Variants in REEP5 observed in about 807,000 individuals in gnomAD.
The protein encoded by REEP5 is receptor accessory protein 5, also known as receptor expression-enhancing protein 5.
In REEP5, 24 loss-of-function variants were observed where a neutral mutation model predicts 22.4. That is an observed-to-expected ratio of 1.07 (90% confidence interval 0.78 to 1.51). The LOEUF (loss-of-function observed/expected upper bound fraction) is 1.51, where lower values mean the gene tolerates loss of function less well. Ranked by LOEUF, REEP5 falls within the 40% of genes most tolerant of loss-of-function variation. REEP5 has a pLI of 0.00. For synonymous variants in REEP5, 103 were observed against 88.6 expected, an observed-to-expected ratio of 1.16 and a Z score of -0.92; for missense variants, 252 against 233.0, an observed-to-expected ratio of 1.08 and a Z score of -0.53.
chr5:112,880,033 C>T (rs188643575), intron 4 of REEP5, among the ~76,000 whole-genome samples: 1 of 151,958 alleles, frequency 6.6e-6, no homozygotes, highest in Non-Finnish European at 1.5e-5. Context: ...TGTATTTATA[C>T]TCTTATTGTG....
At chr5:112,921,059 C>G in intron 2 of REEP5, 104 bp downstream of exon 2, 1 of 1,142,942 alleles carries the variant, frequency 8.7e-7, no homozygotes, top group Non-Finnish European at 1.3e-6. Flanking sequence ...CCCCGCCGAG[C>G]TTTCACTTTT....
At chr5:112,899,865 G>A (rs1768803136) in intron 3 of REEP5, among the ~76,000 whole-genome samples, 1 of 152,160 alleles carries the variant, frequency 6.6e-6, no homozygotes, top group Non-Finnish European at 1.5e-5. Flanking sequence ...TACCAACTGA[G>A]CATACCAAAT....
chr5:112,901,920 G>T (rs999801790), intron 3 of REEP5, among the ~76,000 whole-genome samples: 2 of 146,608 alleles, frequency 1.4e-5, no homozygotes, highest in African/African-American at 5.1e-5. Context: ...CCAAGATCAT[G>T]CCACTGCACT....
intron 3 of REEP5, among the ~76,000 whole-genome samples, chr5:112,898,814 T>C (rs1398734523): frequency 1.3e-5 from 2 of 152,196 alleles, no homozygotes; most frequent in Non-Finnish European, 1.5e-5. Context: ...TAAATGACTT[T>C]GAATAATAAA....
chr5:112,907,998 G>A (rs1479109738), intron 2 of REEP5, among the ~76,000 whole-genome samples: 2 of 151,564 alleles, frequency 1.3e-5, no homozygotes, highest in Non-Finnish European at 2.9e-5. Flanking sequence ...TTTTACTTAA[G>A]GTCTTTCCAA....
chr5:112,891,472 G>C (rs755835828), intron 3 of REEP5: 106 of 886,180 alleles, frequency 1.2e-4, no homozygotes, highest in Non-Finnish European at 1.7e-4. Flanking sequence ...ATATAAAGGA[G>C]AAACAAAATG....
intron 3 of REEP5, 120 bp downstream of exon 3, chr5:112,902,260 G>T: frequency 9.3e-7 from 1 of 1,074,968 alleles, no homozygotes; most frequent in Non-Finnish European, 1.3e-6. Flanking sequence ...TGTTGCCCAG[G>T]CCTGTCTTCT....
chr5:112,879,331 G>T lies in REEP5; in HGVS notation c.521-496C>A, dbSNP rs1167091833. ...ATCCCTTGATATATGTGTTTGGGGG[G>T]GGGGGCTGGGGGGGCGGTGGGGGAG... On this transcript the variant is annotated intron_variant, in intron 4 of 4. Transcript: ENST00000379638. 1.2e-3 allele frequency among the ~76,000 whole-genome samples: 182 copies of T among 151,298 alleles called. 1 individual carries two copies. Among genetic ancestry groups the T allele is most frequent in the Admixed American group, 1.9e-3 (29 of 15,162 alleles).
Position 112,922,051 on chromosome 5 carries a change from G to A in REEP5, c.118+22C>T, listed in dbSNP as rs753882473. 17 of 1,581,926 alleles carry A rather than the reference G, an allele frequency of 1.1e-5. No individual in the cohort carries two copies. In the East Asian group the frequency reaches 3.6e-4, roughly 34 times the overall value. ...GGCGGCTCCCGTGGCCCTACCAGCGGCGGCGACCCCCGGCCACCCACCAAG... is the reference window on the plus strand; with the variant it reads ...GGCGGCTCCCGTGGCCCTACCAGCGACGGCGACCCCCGGCCACCCACCAAG... On this transcript the variant is annotated intron_variant, in intron 1 of 4. Coordinates refer to ENST00000379638, the MANE Select transcript of REEP5 (RefSeq NM_005669.5).
intron 4 of REEP5, among the ~76,000 whole-genome samples, chr5:112,884,535 G>A (rs967574696): frequency 4.0e-5 from 6 of 151,738 alleles, no homozygotes; most frequent in African/African-American, 1.2e-4. Flanking sequence ...GCATCACAAC[G>A]TCCGGCTAAT....
chr5:112,902,619 T>G, intron 2 of REEP5, 101 bp from the exon 3 acceptor site: 1 of 1,114,264 alleles, frequency 9.0e-7, no homozygotes, highest in Non-Finnish European at 1.3e-6. Flanking sequence ...ACTGAGAAAC[T>G]TAGGCACATG....
intron 4 of REEP5, among the ~76,000 whole-genome samples, chr5:112,884,618 C>T (rs1561647062): frequency 6.6e-6 from 1 of 151,994 alleles, no homozygotes; most frequent in Non-Finnish European, 1.5e-5. Context: ...AACTTCTGGC[C>T]TCAAGTGATC....
intron 2 of REEP5, among the ~76,000 whole-genome samples, chr5:112,908,986 C>T (rs1055518709): frequency 6.6e-6 from 1 of 151,610 alleles, no homozygotes; most frequent in African/African-American, 2.4e-5. Context: ...AAAAGAGAGC[C>T]ACACAGCCCA....
chr5:112,906,791 G>A (rs1179326313), intron 2 of REEP5, among the ~76,000 whole-genome samples: 1 of 152,140 alleles, frequency 6.6e-6, no homozygotes, highest in Non-Finnish European at 1.5e-5. Flanking sequence ...ATGCAGAACT[G>A]TGTTTGGAAA....
chr5:112,889,299 T>G (rs187516038), intron 3 of REEP5, among the ~76,000 whole-genome samples: 1 of 150,924 alleles, frequency 6.6e-6, no homozygotes, highest in Admixed American at 6.6e-5. Context: ...AAACTATAGC[T>G]GTATGCTTAA....
rs1219716942 is a variant in REEP5, at chr5:112,877,278, A to T, written c.*1508T>A. On this transcript the variant is annotated 3_prime_UTR_variant, in exon 5 of 5. Coordinates refer to ENST00000379638, the MANE Select transcript of REEP5 (RefSeq NM_005669.5). ...ATTGTTATGATCTTACCTGATTGTT[A>T]TCTCAAGGTGAGCTAATCATCTTTA... The T allele has an allele frequency of 3.9e-5, 6 of 152,162 alleles. No homozygotes were observed. The highest frequency in any genetic ancestry group is 8.8e-5 in the Non-Finnish European group (6 of 68,016). The allele number at this position is 152,162 out of a possible 1,614,324, so 9.4% of individuals were successfully genotyped here.
Position 112,893,012 on chromosome 5 carries a change from G to A in REEP5, c.352-5829C>T, listed in dbSNP as rs61733664. ...AGCCGGAGCCAAAGTTCCTCTAGGT[G>A]CCGAAGTCGTGGGAGGAGGAAGTCG... On this transcript the variant is annotated intron_variant, in intron 3 of 4. Coordinates refer to ENST00000379638, the MANE Select transcript of REEP5 (RefSeq NM_005669.5). The A allele has an allele frequency of 1.4e-3, 2,148 of 1,561,716 alleles. 29 individuals are homozygous for A. In the African/African-American group the frequency reaches 0.025, roughly 18 times the overall value.
intron 3 of REEP5, among the ~76,000 whole-genome samples, chr5:112,890,907 T>G (rs546316436): frequency 6.6e-6 from 1 of 150,740 alleles, no homozygotes; most frequent in East Asian, 2.0e-4. Flanking sequence ...TTTACCCCTA[T>G]AATTTTGTAA....
At chr5:112,886,284 A>C (rs1028575259) in intron 4 of REEP5, among the ~76,000 whole-genome samples, 8 of 152,200 alleles carry the variant, frequency 5.3e-5, no homozygotes, top group African/African-American at 1.9e-4. Context: ...CCAGCAGTCC[A>C]AGGTATTCGA....
Sources: gnomAD v4.1 joint callset for allele counts (sites outside exome capture counted in the v4.1 genomes callset) on GRCh38, gnomAD v4.1.1 for gene constraint, MANE v1.5 for transcripts, NCBI Gene and HGNC (gene_info 2026-07-23, HGNC 2026-07-21) for gene names.